Variants in VPS35L observed in about 807,000 individuals in gnomAD.
VPS35L encodes the protein VPS35 endosomal protein sorting factor like.
A neutral mutation model predicts 133.0 loss-of-function variants in VPS35L; 83 were observed. The observed-to-expected ratio is 0.62, with a 90% CI of 0.52 to 0.75. VPS35L has a LOEUF of 0.75. Among genes scored for constraint, VPS35L ranks in the 30% least tolerant of loss-of-function variants. The probability of loss-of-function intolerance (pLI) is 0.00; values close to 1 mark genes in which losing one functional copy is unlikely to be tolerated. For missense variants in VPS35L, 1,083 were observed against 1,206.8 expected (o/e 0.90, Z 1.52); for synonymous variants, 423 against 449.9 (o/e 0.94, Z 0.76).
At chr16:19,651,628 A>G (rs1974124982) in intron 25 of VPS35L, among the ~76,000 whole-genome samples, 1 of 152,186 alleles carries the variant, frequency 6.6e-6, no homozygotes, top group Non-Finnish European at 1.5e-5. Context: ...CTCTTTCCTC[A>G]GTTAGCCACC....
chr16:19,568,839 C>T (rs562018094), intron 2 of VPS35L, among the ~76,000 whole-genome samples: 2 of 152,242 alleles, frequency 1.3e-5, no homozygotes, highest in East Asian at 1.9e-4. Flanking sequence ...AGAGATAGGA[C>T]TTCACCATGT....
intron 23 of VPS35L, among the ~76,000 whole-genome samples, chr16:19,646,977 G>C (rs1028913086): frequency 2.0e-5 from 3 of 152,148 alleles, no homozygotes; most frequent in African/African-American, 7.2e-5. Context: ...CAGGACCAAA[G>C]CTGACTGAGA....
chr16:19,619,150 C>G (rs1972995884), intron 14 of VPS35L, among the ~76,000 whole-genome samples: 1 of 151,976 alleles, frequency 6.6e-6, no homozygotes, highest in African/African-American at 2.4e-5. Flanking sequence ...TCGTGCTGAT[C>G]TCTAACTCCT....
At chr16:19,617,623 G>C (rs1016483968) in intron 14 of VPS35L, 3 of 152,070 alleles carry the variant, frequency 2.0e-5, no homozygotes, top group African/African-American at 7.2e-5. Flanking sequence ...AGTGACATCA[G>C]AATCATAGCA....
chr16:19,670,301 C>A (rs1974833108), intron 27 of VPS35L, among the ~76,000 whole-genome samples: 2 of 152,246 alleles, frequency 1.3e-5, no homozygotes, highest in South Asian at 4.1e-4. Flanking sequence ...ACTGCACTCT[C>A]TATACTGCCA....
intron 24 of VPS35L, among the ~76,000 whole-genome samples, chr16:19,649,058 G>A (rs1457114771): frequency 2.0e-5 from 3 of 151,712 alleles, no homozygotes; most frequent in East Asian, 3.9e-4. Context: ...GTGCGATTTT[G>A]GCTCACTGCA....
At chr16:19,686,901 G>C (rs189788912) in intron 28 of VPS35L, among the ~76,000 whole-genome samples, 11 of 152,172 alleles carry the variant, frequency 7.2e-5, no homozygotes, top group African/African-American at 2.4e-4. Context: ...ATGATCCCCT[G>C]TACTGCCCCC....
intron 15 of VPS35L, among the ~76,000 whole-genome samples, chr16:19,627,159 T>C (rs1973290780): frequency 6.6e-6 from 1 of 151,950 alleles, no homozygotes; most frequent in Admixed American, 6.6e-5. Flanking sequence ...GGCGCATGCC[T>C]GTAATCTCAG....
chr16:19,572,799 C>T (rs1008710555), intron 3 of VPS35L, among the ~76,000 whole-genome samples: 3 of 152,100 alleles, frequency 2.0e-5, no homozygotes, highest in African/African-American at 7.2e-5. Context: ...TGTCCTGCCT[C>T]AGCCTCCTGA....
chr16:19,566,424 A>T (rs893831710), intron 2 of VPS35L, among the ~76,000 whole-genome samples: 1 of 152,208 alleles, frequency 6.6e-6, no homozygotes, highest in African/African-American at 2.4e-5. Context: ...TAAACCCAGG[A>T]GGCAGAGGTT....
chr16:19,642,538 A>C lies in VPS35L; in HGVS notation c.1865+62A>C, dbSNP rs537503576. ...GGGTCTTAATGCCACCTAATAGGACATTAGGGAATGACTGCTTTAAGCTGC... is the reference window on the plus strand; with the variant it reads ...GGGTCTTAATGCCACCTAATAGGACCTTAGGGAATGACTGCTTTAAGCTGC... On this transcript the variant is annotated intron_variant, in intron 22 of 30. Coordinates refer to ENST00000417362, the MANE Select transcript of VPS35L (RefSeq NM_020314.7). The C allele has an allele frequency of 3.6e-6, 5 of 1,371,858 alleles. No individual in the cohort carries two copies. In the African/African-American group the frequency reaches 7.2e-5, roughly 20 times the overall value. The allele number at this position is 1,371,858 out of a possible 1,614,324, so 85.0% of individuals were successfully genotyped here. A position where few individuals can be genotyped will look rare whatever the true frequency, so the allele number is the denominator to read the frequency against.
rs1432250208 is a variant in VPS35L at position 19,624,232 on chromosome 16, C to T, written c.1225-1945C>T. 2.7e-5 allele frequency among the ~76,000 whole-genome samples: 4 copies of T among 150,540 alleles called. No individual in the cohort carries two copies. In the East Asian group the frequency reaches 8.0e-4, roughly 30 times the overall value. ...CTGGGCTCAAGTGATCCTCCCACCTCAGCCTCCTGAGTAGCTGGGACCACA... is the reference window on the plus strand; with the variant it reads ...CTGGGCTCAAGTGATCCTCCCACCTTAGCCTCCTGAGTAGCTGGGACCACA... On this transcript the variant is annotated intron_variant, in intron 14 of 30. Coordinates refer to ENST00000417362, the MANE Select transcript of VPS35L (RefSeq NM_020314.7).
chr16:19,697,788 A>G (rs1975967155), intron 29 of VPS35L, among the ~76,000 whole-genome samples: 2 of 152,204 alleles, frequency 1.3e-5, no homozygotes, highest in African/African-American at 4.8e-5. Flanking sequence ...TCTGAGTGCG[A>G]TTCCTGATAA....
intron 26 of VPS35L, among the ~76,000 whole-genome samples, chr16:19,657,025 G>GC (rs1440467764): frequency 2.0e-5 from 3 of 147,328 alleles, no homozygotes; most frequent in Non-Finnish European, 4.4e-5. Flanking sequence ...GACTGCAGTG[G>GC]CGTGATCTCT....
At chr16:19,593,082 G>A (rs535150446) in intron 8 of VPS35L, among the ~76,000 whole-genome samples, 26 of 152,264 alleles carry the variant, frequency 1.7e-4, no homozygotes, top group Admixed American at 5.9e-4. Context: ...CCACCTCACA[G>A]GTAGAGAGAC....
chr16:19,642,936 G>T (rs948418567), intron 22 of VPS35L, among the ~76,000 whole-genome samples: 5 of 152,124 alleles, frequency 3.3e-5, no homozygotes, highest in African/African-American at 1.2e-4. Flanking sequence ...TCTGGTTTTT[G>T]TTTGTTTATT....
chr16:19,594,660 A>G lies in VPS35L; in HGVS notation c.724+2786A>G, dbSNP rs1384581770. 2.4e-4 allele frequency among the ~76,000 whole-genome samples: 36 copies of G among 150,498 alleles called. 1 individual carries two copies. In the East Asian group the frequency reaches 6.4e-3, roughly 27 times the overall value. On this transcript the variant is annotated intron_variant, in intron 8 of 30. Coordinates refer to ENST00000417362, the MANE Select transcript of VPS35L (RefSeq NM_020314.7). Reference sequence around the variant, plus strand: ...ATTTCGTCTCAAAAAAAAAAAAAAAAAAAAAAAAAAAGAAGAGAAAAAAAA... The same window carrying G: ...ATTTCGTCTCAAAAAAAAAAAAAAAGAAAAAAAAAAAGAAGAGAAAAAAAA...
intron 12 of VPS35L, chr16:19,611,799 GT>G (rs2050506409): frequency 6.6e-6 from 1 of 151,914 alleles, no homozygotes; most frequent in African/African-American, 2.4e-5. Flanking sequence ...GAGATATCAG[GT>G]GTGTTTCCAA....
intron 1 of VPS35L, among the ~76,000 whole-genome samples, chr16:19,556,951 C>T (rs976067848): frequency 6.6e-6 from 1 of 152,010 alleles, no homozygotes; most frequent in African/African-American, 2.4e-5. Context: ...ATGGCGAAAC[C>T]TAATCTCTAC....
Sources: allele counts gnomAD v4.1 joint callset (sites outside exome capture counted in the v4.1 genomes callset), GRCh38; gene constraint gnomAD v4.1.1; transcripts MANE v1.5; gene names NCBI Gene and HGNC (gene_info 2026-07-23, HGNC 2026-07-21).